Variants in XKR4 observed in about 807,000 individuals in gnomAD.
XKR4 encodes the protein XK-related protein 4.
Under a neutral mutation model 53.9 loss-of-function variants are expected in XKR4, and 12 were observed. That is an observed-to-expected ratio of 0.22 (90% CI 0.14 to 0.36). The LOEUF (loss-of-function observed/expected upper bound fraction) is 0.36, where lower values mean the gene tolerates loss of function less well. Among genes scored for constraint, XKR4 ranks in the 10% least tolerant of loss-of-function variants. The pLI, the probability that XKR4 is intolerant of heterozygous loss-of-function variation, is 1.00. For synonymous variants in XKR4, 354 were observed against 362.4 expected, an observed-to-expected ratio of 0.98 and a Z score of 0.26; for missense variants, 799 against 859.5, an observed-to-expected ratio of 0.93 and a Z score of 0.88.
chr8:55,217,445 A>T (rs1563485622), intron 1 of XKR4, among the ~76,000 whole-genome samples: 1 of 152,188 alleles, frequency 6.6e-6, no homozygotes, highest in Middle Eastern at 3.2e-3. Context: ...ATTGGAAGCC[A>T]TAAGATCTCC....
chr8:55,450,117 G>A lies in XKR4; in HGVS notation c.1007-73164G>A, dbSNP rs185435505. 644 of 700,202 alleles carry A rather than the reference G, an allele frequency of 9.2e-4. 7 individuals carry two copies. In the African/African-American group the frequency reaches 0.01, roughly 11 times the overall value. 43.4% of individuals were successfully genotyped at this position (700,202 alleles called of 1,614,324 possible). ...CCCAGGTGTCCTTCCAGCGCTTAGC[G>A]GGTCGGCTCAGCTCTGTCTCCAACC... On this transcript the variant is annotated intron_variant, in intron 2 of 2. Coordinates refer to ENST00000327381, the MANE Select transcript of XKR4 (RefSeq NM_052898.2).
At chr8:55,498,473 G>C (rs553362540) in intron 2 of XKR4, among the ~76,000 whole-genome samples, 1 of 152,170 alleles carries the variant, frequency 6.6e-6, no homozygotes, top group African/African-American at 2.4e-5. Flanking sequence ...GGGTCACCTG[G>C]CTGCTGTGAA....
intron 2 of XKR4, among the ~76,000 whole-genome samples, chr8:55,401,372 C>T (rs560098901): frequency 6.6e-6 from 1 of 152,316 alleles, no homozygotes; most frequent in East Asian, 1.9e-4. Context: ...GAAAGTGAGT[C>T]TATGTGAATG....
At chr8:55,128,945 T>C (rs766100423) in intron 1 of XKR4, among the ~76,000 whole-genome samples, 1 of 152,200 alleles carries the variant, frequency 6.6e-6, no homozygotes, top group African/African-American at 2.4e-5. Flanking sequence ...ACCAACATTT[T>C]GTTTATAGGA....
Position 55,102,704 on chromosome 8 carries a change from C to T in XKR4, c.216C>T (p.Gly72=). 1 of 1,152,346 alleles carries T rather than the reference C, an allele frequency of 8.7e-7. No individual in the cohort carries two copies. Among genetic ancestry groups the T allele is most frequent in the Non-Finnish European group, 1.1e-6 (1 of 934,046 alleles). 71.4% of individuals were successfully genotyped at this position (1,152,346 alleles called of 1,614,324 possible). Residue 72 remains glycine, a synonymous_variant, in exon 1 of 3, where the codon GGC becomes GGT. Coordinates refer to ENST00000327381, the MANE Select transcript of XKR4 (RefSeq NM_052898.2). The surrounding 1 kb of genome is among the most constrained non-coding windows in gnomAD (Gnocchi z 5.1). The stretch of plus-strand genomic sequence containing the variant: ...GCTGCTGCTGCTGCGCCGGGAGTGG[C>T]GGCTCCGCGGGCTCGGGCGGCTCCG... ...SRCCCCCAGS[G]GSAGSGGSGG...
intron 2 of XKR4, chr8:55,455,163 C>T (rs1173942372): frequency 1.6e-5 from 9 of 550,578 alleles, no homozygotes; most frequent in Admixed American, 9.5e-5. Context: ...GGGCGGGCTC[C>T]GCGGCTCGGG....
At chr8:55,181,996 C>T (rs1240617333) in intron 1 of XKR4, among the ~76,000 whole-genome samples, 1 of 152,170 alleles carries the variant, frequency 6.6e-6, no homozygotes, top group Non-Finnish European at 1.5e-5. Context: ...CAAGGCTGTA[C>T]CTGACTCTGT....
chr8:55,235,154 T>C (rs890385672), intron 1 of XKR4, among the ~76,000 whole-genome samples: 3 of 152,204 alleles, frequency 2.0e-5, no homozygotes, highest in Admixed American at 2.0e-4. Flanking sequence ...CTGGTGCTCG[T>C]TGGCATCACC....
intron 1 of XKR4, among the ~76,000 whole-genome samples, chr8:55,249,281 T>C (rs1474566430): frequency 1.3e-5 from 2 of 152,224 alleles, no homozygotes; most frequent in African/African-American, 4.8e-5. Context: ...AATGACTCTC[T>C]CGCCCTCTGC....
At chr8:55,159,600 G>A (rs1288445905) in intron 1 of XKR4, among the ~76,000 whole-genome samples, 2 of 152,172 alleles carry the variant, frequency 1.3e-5, no homozygotes, top group South Asian at 2.1e-4. Context: ...CTGAAGGCAC[G>A]TGAGTAAGTG....
chr8:55,169,179 A>G (rs1260460916), intron 1 of XKR4, among the ~76,000 whole-genome samples: 1 of 152,188 alleles, frequency 6.6e-6, no homozygotes, highest in African/African-American at 2.4e-5. Flanking sequence ...GTTCTTAGCC[A>G]TTTGCAAGTG....
intron 2 of XKR4, chr8:55,451,659 A>C: frequency 6.4e-7 from 1 of 1,555,436 alleles, no homozygotes; most frequent in Non-Finnish European, 8.8e-7. Context: ...TGTCCTGGAC[A>C]CTCTGGGGCA....
At chr8:55,379,140 G>T (rs1163025085) in intron 2 of XKR4, among the ~76,000 whole-genome samples, 1 of 152,084 alleles carries the variant, frequency 6.6e-6, no homozygotes, top group Non-Finnish European at 1.5e-5. Flanking sequence ...TTACAGTCTG[G>T]GGGTCAGATA....
chr8:55,274,378 C>T lies in XKR4; in HGVS notation c.807-83300C>T, dbSNP rs1021748408. On this transcript the variant is annotated intron_variant, in intron 1 of 2. Transcript: ENST00000327381. ...GACAGCAGCCTTCTCCCTATATCCT[C>T]ATATGGTCATCTCTGTGTGTGCATA... is the stretch of plus-strand genomic sequence containing the variant. Among the ~76,000 whole-genome samples the T allele has an allele frequency of 2.6e-5, 4 of 152,066 alleles. No individual in the cohort carries two copies. The South Asian group carries it at 6.2e-4, about 24-fold the overall frequency.
At chr8:55,173,152 A>C (rs1281838931) in intron 1 of XKR4, among the ~76,000 whole-genome samples, 1 of 152,006 alleles carries the variant, frequency 6.6e-6, no homozygotes, top group African/African-American at 2.4e-5. Flanking sequence ...TCCCACACAA[A>C]CACTCAGCTG....
chr8:55,217,112 G>C (rs1263001728), intron 1 of XKR4, among the ~76,000 whole-genome samples: 1 of 151,178 alleles, frequency 6.6e-6, no homozygotes, highest in Non-Finnish European at 1.5e-5. Context: ...CGTGGTGGCG[G>C]GCACCTGTAG....
At position 55,541,633 on chromosome 8, in the gene XKR4, G is replaced by A. The variant is rs930369955; in HGVS notation, c.*17406G>A. On this transcript the variant is annotated 3_prime_UTR_variant, in exon 3 of 3. Transcript: ENST00000327381. ...ACATTTCCCCCAGTATGAGCACAGT[G>A]CCTGGACCTGAATGATCATCTTGGC... 2 of 152,170 alleles carry A rather than the reference G, an allele frequency of 1.3e-5. No individual in the cohort carries two copies. Among genetic ancestry groups the A allele is most frequent in the African/African-American group, 2.4e-5 (1 of 41,438 alleles). 9.4% of individuals were successfully genotyped at this position (152,170 alleles called of 1,614,324 possible). A position where few individuals can be genotyped will look rare whatever the true frequency, so the allele number is the denominator to read the frequency against.
chr8:55,134,418 C>A (rs891159289), intron 1 of XKR4, among the ~76,000 whole-genome samples: 2 of 152,196 alleles, frequency 1.3e-5, no homozygotes, highest in African/African-American at 2.4e-5. Context: ...TGTATACATT[C>A]ATGTGCCAAT....
chr8:55,141,671 C>CTCTCTCTCTCTCTCTCTCTCTGTGTG lies in XKR4; in HGVS notation c.806+38378_806+38379insCTCTCTCTCTCTCTCTCTCTGTGTGT, dbSNP rs748708972. ...TCTCTCTCTCTCTCTCTCTCTCTCT[C>CTCTCTCTCTCTCTCTCTCTCTGTGTG]TGTGTGTGTGTGTGTGTGTCTCTCT... On this transcript the variant is annotated intron_variant, in intron 1 of 2. Transcript: ENST00000327381. Among the ~76,000 whole-genome samples, 4 of 135,302 alleles carry CTCTCTCTCTCTCTCTCTCTCTGTGTG rather than the reference C, an allele frequency of 3.0e-5. No homozygotes were observed. In the Admixed American group the frequency reaches 3.1e-4, roughly 10 times the overall value. 88.8% of individuals were successfully genotyped at this position (135,302 alleles called of 152,430 possible).
Sources: allele counts gnomAD v4.1 joint callset (sites outside exome capture counted in the v4.1 genomes callset), GRCh38; gene constraint gnomAD v4.1.1; non-coding constraint Gnocchi (gnomAD v3.1); transcripts MANE v1.5; gene names NCBI Gene and HGNC (gene_info 2026-07-23, HGNC 2026-07-21).